Variants in GNAL observed in about 807,000 individuals in gnomAD.
GNAL encodes the protein G protein subunit alpha L, also known as guanine nucleotide-binding protein G(olf) subunit alpha.
Under a neutral mutation model 55.1 loss-of-function variants are expected in GNAL, and 18 were observed. That is an observed-to-expected ratio of 0.33 (90% confidence interval 0.23 to 0.48). The LOEUF (loss-of-function observed/expected upper bound fraction) is 0.48, where lower values mean the gene tolerates loss of function less well. GNAL is among the 20% of genes least tolerant of loss of function. GNAL has a pLI of 0.99. For missense variants in GNAL, 412 were observed against 614.1 expected, an observed-to-expected ratio of 0.67 and a Z score of 3.48; for synonymous variants, 253 against 237.0, an observed-to-expected ratio of 1.07 and a Z score of -0.62.
chr18:11,811,636 T>G (rs1018207964), intron 4 of GNAL, among the ~76,000 whole-genome samples: 1 of 152,196 alleles, frequency 6.6e-6, no homozygotes, highest in Non-Finnish European at 1.5e-5. Context: ...TACACTAAAA[T>G]TTGCCAACAG....
chr18:11,764,794 C>CA (rs79338989), intron 4 of GNAL, among the ~76,000 whole-genome samples: 49,496 of 151,624 alleles, frequency 0.33, 8,870 homozygotes, highest in African/African-American at 0.48. Flanking sequence ...AAACAAACAA[C>CA]AAAAAAAAGA....
At chr18:11,849,872 C>T (rs895008285) in intron 5 of GNAL, among the ~76,000 whole-genome samples, 6 of 152,200 alleles carry the variant, frequency 3.9e-5, no homozygotes, top group Non-Finnish European at 7.3e-5. Context: ...GTGTGCAGAG[C>T]GCCTGCTGGG....
chr18:11,855,689 T>C (rs1444084044), intron 5 of GNAL, among the ~76,000 whole-genome samples: 2 of 152,108 alleles, frequency 1.3e-5, no homozygotes, highest in Admixed American at 1.3e-4. Flanking sequence ...AAAAGACTGC[T>C]GGGCCAGGTG....
chr18:11,717,203 C>A (rs1199719610), intron 1 of GNAL, among the ~76,000 whole-genome samples: 10 of 152,246 alleles, frequency 6.6e-5, no homozygotes, highest in Non-Finnish European at 1.5e-5. Flanking sequence ...CCGGCCGCTC[C>A]CAGTGCGGGG....
At chr18:11,876,572 A>G (rs3894081) in intron 10 of GNAL, 49 bp from the exon 11 acceptor site, 2 of 1,092,508 alleles carry the variant, frequency 1.8e-6, no homozygotes, top group Non-Finnish European at 2.8e-6. Flanking sequence ...GTAGAGTTGT[A>G]TCTTTGTTTC....
intron 4 of GNAL, among the ~76,000 whole-genome samples, chr18:11,788,914 A>AAAAAAAAAAAATAT (rs60071996): frequency 4.4e-4 from 25 of 56,292 alleles, no homozygotes; most frequent in African/African-American, 1.2e-3. Context: ...AAAAAAAAAA[A>AAAAAAAAAAAATAT]ATATATATAT....
At chr18:11,778,073 A>G (rs775536658) in intron 4 of GNAL, among the ~76,000 whole-genome samples, 3 of 152,096 alleles carry the variant, frequency 2.0e-5, no homozygotes, top group South Asian at 2.1e-4. Flanking sequence ...GCAAGTTACC[A>G]TGTCGCCTCC....
At position 11,752,944 on chromosome 18, in the gene GNAL, C is replaced by A. The variant is rs1895689; in HGVS notation, c.449+19C>A. ...ATCCCGAGTAAGAATGTTCAGTTTG[C>A]TTCCAAACTGCATGCAAACTTCGTC... is the stretch of plus-strand genomic sequence containing the variant. On this transcript the variant is annotated intron_variant, in intron 2 of 11. Coordinates refer to ENST00000334049, the MANE Select transcript of GNAL (RefSeq NM_182978.4). The surrounding 1 kb of genome is among the most constrained non-coding windows in gnomAD (Gnocchi z 4.5). The A allele has an allele frequency of 0.28, 416,094 of 1,470,730 alleles. 61,896 individuals are homozygous for A. The highest frequency in any genetic ancestry group is 0.49 in the African/African-American group (34,826 of 71,728). The allele number at this position is 1,470,730 out of a possible 1,614,324, so 91.1% of individuals were successfully genotyped here. A position where few individuals can be genotyped will look rare whatever the true frequency, so the allele number is the denominator to read the frequency against.
chr18:11,715,275 C>T (rs1377367989), intron 1 of GNAL, among the ~76,000 whole-genome samples: 22 of 146,244 alleles, frequency 1.5e-4, no homozygotes, highest in South Asian at 4.2e-4. Flanking sequence ...CTGGCTAACA[C>T]GGTGAAACCC....
rs1391567978 is a variant in GNAL, at chr18:11,864,528, C to T, written c.778-5C>T. Reference sequence around the variant, plus strand: ...CTCAGCTTGTTTCCCTCTTCTTGTTCCCAGGACCTCCTCAGATGCAGAGTT... The same window carrying T: ...CTCAGCTTGTTTCCCTCTTCTTGTTTCCAGGACCTCCTCAGATGCAGAGTT... On this transcript the variant is annotated splice_polypyrimidine_tract_variant and splice_region_variant and intron_variant, in intron 6 of 11. Transcript: ENST00000334049. The T allele has an allele frequency of 3.3e-6, 5 of 1,516,084 alleles. No individual in the cohort carries two copies. The highest frequency in any genetic ancestry group is 1.4e-5 in the African/African-American group (1 of 73,052). 93.9% of individuals were successfully genotyped at this position (1,516,084 alleles called of 1,614,324 possible).
intron 1 of GNAL, among the ~76,000 whole-genome samples, chr18:11,734,462 G>A (rs1487241783): frequency 6.6e-6 from 1 of 151,458 alleles, no homozygotes; most frequent in African/African-American, 2.4e-5. Flanking sequence ...TACAGGACAG[G>A]ATCAAATCAC....
At chr18:11,732,500 C>T (rs2032361705) in intron 1 of GNAL, among the ~76,000 whole-genome samples, 2 of 151,274 alleles carry the variant, frequency 1.3e-5, no homozygotes, top group Admixed American at 1.3e-4. Flanking sequence ...ATCCTTTGTT[C>T]CTATTTTAAT....
intron 4 of GNAL, among the ~76,000 whole-genome samples, chr18:11,816,993 T>G (rs1598403491): frequency 6.6e-6 from 1 of 151,346 alleles, no homozygotes; most frequent in Non-Finnish European, 1.5e-5. Flanking sequence ...GGGCCTGGGG[T>G]GGTGGCACGG....
chr18:11,752,356 G>A lies in GNAL; in HGVS notation c.377-497G>A. 1 of 1,510,728 alleles carries A rather than the reference G, an allele frequency of 6.6e-7. No homozygotes were observed. The highest frequency in any genetic ancestry group is 2.6e-5 in the East Asian group (1 of 38,414). 93.6% of individuals were successfully genotyped at this position (1,510,728 alleles called of 1,614,324 possible). On this transcript the variant is annotated intron_variant, in intron 1 of 11. Transcript: ENST00000334049. The surrounding 1 kb of genome is among the most constrained non-coding windows in gnomAD (Gnocchi z 4.5). ...GCAGGAAAGAGAGGAGCCGTCGCAGGAGCCGCACACGTCTCCAACTCTCTA... is the reference window on the plus strand; with the variant it reads ...GCAGGAAAGAGAGGAGCCGTCGCAGAAGCCGCACACGTCTCCAACTCTCTA...
chr18:11,782,267 A>C (rs1024623282), intron 4 of GNAL, among the ~76,000 whole-genome samples: 1 of 152,216 alleles, frequency 6.6e-6, no homozygotes, highest in African/African-American at 2.4e-5. Flanking sequence ...CAGTGAGCCA[A>C]GATGGCACCA....
chr18:11,795,390 C>CAAAAA (rs752221474), intron 4 of GNAL, among the ~76,000 whole-genome samples: 49 of 68,274 alleles, frequency 7.2e-4, no homozygotes, highest in Middle Eastern at 9.4e-3. Context: ...GACCCTGTCT[C>CAAAAA]AAAAAAAAAA....
chr18:11,746,582 C>G, intron 1 of GNAL: 1 of 241,094 alleles, frequency 4.1e-6, no homozygotes, highest in Non-Finnish European at 8.3e-6. Context: ...TGCACTCAAG[C>G]CTGGCAGCAG....
chr18:11,847,784 A>T (rs16976739), intron 5 of GNAL, among the ~76,000 whole-genome samples: 18,984 of 152,186 alleles, frequency 0.12, 1,587 homozygotes, highest in East Asian at 0.39. Context: ...TACAATTAGC[A>T]TGGTTGTAGG....
At chr18:11,858,922 C>T (rs1001347435) in intron 5 of GNAL, among the ~76,000 whole-genome samples, 1 of 152,196 alleles carries the variant, frequency 6.6e-6, no homozygotes, top group Non-Finnish European at 1.5e-5. Flanking sequence ...ATCTCAAAGT[C>T]ACTGGTCTTT....
Sources: allele counts gnomAD v4.1 joint callset (sites outside exome capture counted in the v4.1 genomes callset), GRCh38; gene constraint gnomAD v4.1.1; non-coding constraint Gnocchi (gnomAD v3.1); transcripts MANE v1.5; gene names NCBI Gene and HGNC (gene_info 2026-07-23, HGNC 2026-07-21).